MDGA2: variants seen among roughly 807,000 people sequenced by gnomAD.
MDGA2 encodes the protein MAM domain containing glycosylphosphatidylinositol anchor 2.
MDGA2 carries 40 observed loss-of-function variants against 117.8 expected under a neutral mutation model. The observed-to-expected ratio is 0.34, with a 90% confidence interval of 0.26 to 0.44. The LOEUF (loss-of-function observed/expected upper bound fraction) is 0.44. Ranked by LOEUF, MDGA2 falls within the 20% of genes least tolerant of loss-of-function variation. The pLI is 1.00. For synonymous variants in MDGA2, 452 were observed against 439.0 expected, an observed-to-expected ratio of 1.03 and a Z score of -0.37; for missense variants, 1,123 against 1,250.6, an observed-to-expected ratio of 0.90 and a Z score of 1.54.
intron 1 of MDGA2, among the ~76,000 whole-genome samples, chr14:47,654,361 T>C (rs1897700784): frequency 6.6e-6 from 1 of 152,092 alleles, no homozygotes; most frequent in Non-Finnish European, 1.5e-5. Context: ...TGTTTCCTGC[T>C]TGAAGACAAT....
At chr14:47,415,426 C>A in intron 1 of MDGA2, among the ~76,000 whole-genome samples, 1 of 151,930 alleles carries the variant, frequency 6.6e-6, no homozygotes, top group African/African-American at 2.4e-5. Context: ...CTTCAGAAAC[C>A]CATGGCAGAG....
intron 1 of MDGA2, among the ~76,000 whole-genome samples, chr14:47,484,599 C>T (rs1158119961): frequency 2.0e-5 from 3 of 152,106 alleles, no homozygotes; most frequent in Admixed American, 1.3e-4. Context: ...TCCAAAACAG[C>T]TATTCAAATT....
At chr14:46,997,940 T>C (rs1887356678) in intron 8 of MDGA2, among the ~76,000 whole-genome samples, 1 of 152,160 alleles carries the variant, frequency 6.6e-6, no homozygotes, top group African/African-American at 2.4e-5. Flanking sequence ...TCAAAACTTC[T>C]GTAGACACTT....
chr14:46,923,568 G>A (rs1884214258), intron 9 of MDGA2, among the ~76,000 whole-genome samples: 2 of 151,992 alleles, frequency 1.3e-5, no homozygotes, highest in Admixed American at 6.6e-5. Flanking sequence ...GTAATGATTA[G>A]TAATAAGTAA....
At chr14:47,063,198 T>C (rs988807119) in intron 6 of MDGA2, among the ~76,000 whole-genome samples, 2 of 152,044 alleles carry the variant, frequency 1.3e-5, no homozygotes, top group Admixed American at 1.3e-4. Flanking sequence ...ACAGCCTCCC[T>C]GAATTACTGT....
intron 3 of MDGA2, among the ~76,000 whole-genome samples, chr14:47,207,707 T>G (rs750145780): frequency 6.6e-6 from 1 of 152,052 alleles, no homozygotes; most frequent in Non-Finnish European, 1.5e-5. Flanking sequence ...GCCATCTGGA[T>G]GTCTTGATTG....
intron 8 of MDGA2, among the ~76,000 whole-genome samples, chr14:46,967,139 G>A (rs1283331947): frequency 6.6e-6 from 1 of 150,638 alleles, no homozygotes; most frequent in Non-Finnish European, 1.5e-5. Context: ...ATATTTAAGG[G>A]AGTGTGAGAC....
chr14:47,264,523 A>G (rs889682974), intron 2 of MDGA2, among the ~76,000 whole-genome samples: 5 of 152,140 alleles, frequency 3.3e-5, no homozygotes, highest in Admixed American at 1.3e-4. Context: ...AGTTTTCTAC[A>G]TTCCAAGTCT....
At chr14:47,303,086 C>T (rs776541985) in intron 1 of MDGA2, among the ~76,000 whole-genome samples, 4 of 152,076 alleles carry the variant, frequency 2.6e-5, no homozygotes, top group Non-Finnish European at 5.9e-5. Flanking sequence ...AATAAACACC[C>T]CTCAAGAACT....
At chr14:47,672,645 AAAAC>A (rs1460753346) in intron 1 of MDGA2, among the ~76,000 whole-genome samples, 2 of 152,174 alleles carry the variant, frequency 1.3e-5, no homozygotes, top group East Asian at 3.9e-4. Context: ...ACAAATTTAA[AAAAC>A]AAACCAGAAC....
chr14:47,565,149 T>TG (rs1305624946), intron 1 of MDGA2, among the ~76,000 whole-genome samples: 1 of 152,218 alleles, frequency 6.6e-6, no homozygotes, highest in Non-Finnish European at 1.5e-5. Context: ...ACCACTGCTC[T>TG]GGGGAAGTAG....
intron 14 of MDGA2, chr14:46,871,744 C>T (rs1882007326): frequency 6.2e-6 from 1 of 160,556 alleles, no homozygotes. Flanking sequence ...ATAAGGAAAC[C>T]AAGGTTCAGA....
intron 14 of MDGA2, 156 bp downstream of exon 14, chr14:46,873,277 T>C: frequency 1.7e-6 from 1 of 604,660 alleles, no homozygotes; most frequent in Non-Finnish European, 2.6e-6. Flanking sequence ...GGGAAAAAAT[T>C]CTTACTATCT....
At chr14:47,486,493 T>A (rs1894064401) in intron 1 of MDGA2, among the ~76,000 whole-genome samples, 1 of 152,054 alleles carries the variant, frequency 6.6e-6, no homozygotes, top group Non-Finnish European at 1.5e-5. Context: ...GAGCTGAGAC[T>A]TTAGGGGACT....
intron 9 of MDGA2, among the ~76,000 whole-genome samples, chr14:46,950,193 G>A (rs1260935767): frequency 1.3e-5 from 2 of 151,832 alleles, no homozygotes; most frequent in Admixed American, 6.6e-5. Context: ...TTCATTAAGT[G>A]ATACTTACAT....
In MDGA2 at chr14:47,637,892, C is replaced by T. The variant is rs146955919; in HGVS notation, c.280+36625G>A. On this transcript the variant is annotated intron_variant, in intron 1 of 16. Coordinates refer to ENST00000399232, the MANE Select transcript of MDGA2 (RefSeq NM_001113498.3). ...GGCTTTGGTGAGGCAAACTAAAACA[C>T]ACTAAGATTAAATGTCTACGCTGTT... Among the ~76,000 whole-genome samples the T allele has an allele frequency of 3.6e-3, 553 of 152,256 alleles. 3 individuals carry two copies. The highest frequency in any genetic ancestry group is 0.013 in the African/African-American group (532 of 41,536).
At chr14:47,661,846 C>A (rs1290904162) in intron 1 of MDGA2, among the ~76,000 whole-genome samples, 3 of 148,322 alleles carry the variant, frequency 2.0e-5, no homozygotes, top group Non-Finnish European at 4.4e-5. Context: ...AGGGATTCTC[C>A]CGCCTCAGCC....
intron 1 of MDGA2, among the ~76,000 whole-genome samples, chr14:47,371,176 C>G (rs9323133): frequency 0.72 from 109,280 of 151,590 alleles, 39,647 homozygotes; most frequent in Middle Eastern, 0.82. Context: ...CTAGGACATG[C>G]GATTTTGTTA....
Position 46,869,173 on chromosome 14 carries a change from T to C in MDGA2, c.2752+4260A>G, listed in dbSNP as rs181164540. Among the ~76,000 whole-genome samples, 4 of 152,130 alleles carry C rather than the reference T, an allele frequency of 2.6e-5. No homozygotes were observed. In the East Asian group the frequency reaches 7.7e-4, roughly 29 times the overall value. The stretch of plus-strand genomic sequence containing the variant: ...TTACTCCATAGTGGAATTAGCTTTC[T>C]AGAGACACAACTTTATTGAACCATT... On this transcript the variant is annotated intron_variant, in intron 14 of 16. Coordinates refer to ENST00000399232, the MANE Select transcript of MDGA2 (RefSeq NM_001113498.3).
Sources: gnomAD v4.1 joint callset for allele counts (sites outside exome capture counted in the v4.1 genomes callset) on GRCh38, gnomAD v4.1.1 for gene constraint, MANE v1.5 for transcripts, NCBI Gene and HGNC (gene_info 2026-07-23, HGNC 2026-07-21) for gene names.